Variants in ACBD3 observed in about 807,000 individuals in gnomAD.
ACBD3 encodes the protein Golgi resident protein GCP60.
Under a neutral mutation model 66.9 loss-of-function variants are expected in ACBD3, and 30 were observed. The observed-to-expected ratio is 0.45, with a 90% CI of 0.34 to 0.61. The LOEUF (loss-of-function observed/expected upper bound fraction) is 0.61, where lower values mean the gene tolerates loss of function less well. Ranked by LOEUF, ACBD3 falls within the 20% of genes least tolerant of loss-of-function variation. The pLI is 0.02. For missense variants in ACBD3, 544 were observed against 664.5 expected (o/e 0.82, Z 1.99); for synonymous variants, 278 against 259.8 (o/e 1.07, Z -0.68).
intron 4 of ACBD3, 143 bp downstream of exon 4, chr1:226,161,388 C>A: frequency 9.2e-7 from 1 of 1,088,384 alleles, no homozygotes; most frequent in East Asian, 2.6e-5. Flanking sequence ...GATCTCCCAA[C>A]CTCAGGTGAT....
intron 7 of ACBD3, among the ~76,000 whole-genome samples, chr1:226,147,106 T>G (rs1659470133): frequency 6.6e-6 from 1 of 152,102 alleles, no homozygotes; most frequent in Non-Finnish European, 1.5e-5. Context: ...TGGCCAGGAT[T>G]GTCTCAATCT....
chr1:226,168,720 T>C (rs1380738375), intron 1 of ACBD3, among the ~76,000 whole-genome samples: 3 of 152,226 alleles, frequency 2.0e-5, no homozygotes, highest in East Asian at 1.9e-4. Context: ...GCCAGCTGTA[T>C]AAAAGTATAT....
chr1:226,145,527 G>A lies in ACBD3; in HGVS notation c.*1083C>T, dbSNP rs1384599297. The A allele has an allele frequency of 2.0e-5, 3 of 152,432 alleles. No homozygotes were observed. Among genetic ancestry groups the A allele is most frequent in the Admixed American group, 6.6e-5 (1 of 15,240 alleles). The allele number at this position is 152,432 out of a possible 1,614,324, so 9.4% of individuals were successfully genotyped here. The stretch of plus-strand genomic sequence containing the variant: ...AGGAAAAAAAGATGTACCTCTTCCC[G>A]TCAATAAAGAAATAACACAAATTAA... On this transcript the variant is annotated 3_prime_UTR_variant, in exon 8 of 8. Transcript: ENST00000366812.
chr1:226,160,977 T>C lies in ACBD3; in HGVS notation c.728+554A>G, dbSNP rs17842080. On this transcript the variant is annotated intron_variant, in intron 4 of 7. Coordinates refer to ENST00000366812, the MANE Select transcript of ACBD3 (RefSeq NM_022735.4). ...AGACCAAATAAATCCTCGGACAGCC[T>C]TGCATATGCCAAAGCAGACAGTTGA... 4.3e-3 allele frequency among the ~76,000 whole-genome samples: 655 copies of C among 152,304 alleles called. 3 individuals carry two copies. Among genetic ancestry groups the C allele is most frequent in the African/African-American group, 0.015 (634 of 41,554 alleles).
intron 3 of ACBD3, among the ~76,000 whole-genome samples, chr1:226,163,338 A>C (rs1226436606): frequency 6.6e-6 from 1 of 152,218 alleles, no homozygotes; most frequent in Non-Finnish European, 1.5e-5. Flanking sequence ...TATATCATTA[A>C]AATAAGAACT....
At chr1:226,182,729 G>T (rs1656199082) in intron 1 of ACBD3, among the ~76,000 whole-genome samples, 1 of 152,270 alleles carries the variant, frequency 6.6e-6, no homozygotes, top group East Asian at 1.9e-4. Flanking sequence ...GACATGCTTT[G>T]ACTTCTCATG....
Position 226,159,188 on chromosome 1 carries a change from T to C in ACBD3, c.899A>G (p.Gln300Arg). 1 of 1,614,184 alleles carries C rather than the reference T, an allele frequency of 6.2e-7. No individual in the cohort carries two copies. ...TTCTAGGGTTGTCTATCGTACCTGT[T>C]GCTGTGCAAGCTGGACTTGATACAA... The part of the protein sequence containing the change: ...QQLYQVQLAQ[Q>R]QAALQKQQEV... The change falls in exon 5 of 8, where the codon CAA (glutamine) becomes CGA (arginine). Residue 300 changes from glutamine (Q) to arginine (R), a missense_variant. By Grantham distance (43) the Gln-to-Arg change is conservative (BLOSUM62 1). Coordinates refer to ENST00000366812, the MANE Select transcript of ACBD3 (RefSeq NM_022735.4).
In ACBD3 at chr1:226,164,429, G is replaced by A. The variant is rs116154302; in HGVS notation, c.569+360C>T. 3.9e-3 allele frequency among the ~76,000 whole-genome samples: 596 copies of A among 152,296 alleles called. 1 individual carries two copies. Among genetic ancestry groups the A allele is most frequent in the Non-Finnish European group, 6.2e-3 (421 of 68,030 alleles). ...CATGAAATGGAGCATGAGGATTCTAGAAGCTCGAGGGAGACTGCAACAAAG... is the reference window on the plus strand; with the variant it reads ...CATGAAATGGAGCATGAGGATTCTAAAAGCTCGAGGGAGACTGCAACAAAG... On this transcript the variant is annotated intron_variant, in intron 3 of 7. Transcript: ENST00000366812.
At chr1:226,178,837 T>G (rs1253239407) in intron 1 of ACBD3, among the ~76,000 whole-genome samples, 3 of 152,140 alleles carry the variant, frequency 2.0e-5, no homozygotes, top group African/African-American at 7.2e-5. Flanking sequence ...CTTGAATACT[T>G]CCTGGTGATA....
At chr1:226,172,234 C>G (rs1655839778) in intron 1 of ACBD3, among the ~76,000 whole-genome samples, 1 of 149,956 alleles carries the variant, frequency 6.7e-6, no homozygotes, top group Admixed American at 6.7e-5. Context: ...CTGTGAACTT[C>G]AGTGCTTAAG....
chr1:226,183,080 T>C (rs1376528509), intron 1 of ACBD3, among the ~76,000 whole-genome samples: 1 of 152,252 alleles, frequency 6.6e-6, no homozygotes, highest in African/African-American at 2.4e-5. Flanking sequence ...GGGCTTGTCA[T>C]TTCCAACCCA....
chr1:226,154,248 T>G (rs942982548), intron 6 of ACBD3, among the ~76,000 whole-genome samples: 12 of 152,064 alleles, frequency 7.9e-5, no homozygotes, highest in African/African-American at 2.9e-4. Context: ...GAGACAGTCT[T>G]GCTTTGTCAC....
chr1:226,183,397 T>C (rs1392077162), intron 1 of ACBD3, among the ~76,000 whole-genome samples: 5 of 152,080 alleles, frequency 3.3e-5, no homozygotes, highest in African/African-American at 1.2e-4. Flanking sequence ...TTAGCCAGGG[T>C]GGTCTCGATC....
At position 226,145,351 on chromosome 1, in the gene ACBD3, G is replaced by C. The variant is rs1054695765; in HGVS notation, c.*1259C>G. On this transcript the variant is annotated 3_prime_UTR_variant, in exon 8 of 8. Coordinates refer to ENST00000366812, the MANE Select transcript of ACBD3 (RefSeq NM_022735.4). The stretch of plus-strand genomic sequence containing the variant: ...AGGATTTGAAATTTTAAAAATCTAA[G>C]TACTTCAGTAACAACATACAATAAC... 6.6e-6 allele frequency: 1 copy of C among 152,418 alleles called. No homozygotes were observed. Among genetic ancestry groups the C allele is most frequent in the Non-Finnish European group, 1.5e-5 (1 of 68,008 alleles). 9.4% of individuals were successfully genotyped at this position (152,418 alleles called of 1,614,324 possible).
At chr1:226,153,092 G>T (rs911922264) in intron 6 of ACBD3, among the ~76,000 whole-genome samples, 1 of 152,158 alleles carries the variant, frequency 6.6e-6, no homozygotes, top group Non-Finnish European at 1.5e-5. Context: ...CTATTCTAAA[G>T]GAGCTCAAAG....
At chr1:226,151,683 T>C (rs1235818409) in intron 7 of ACBD3, among the ~76,000 whole-genome samples, 3 of 152,082 alleles carry the variant, frequency 2.0e-5, no homozygotes, top group Non-Finnish European at 2.9e-5. Context: ...AATGCCAGGG[T>C]TGACAGGAAT....
At position 226,146,017 on chromosome 1, in the gene ACBD3, A is replaced by T. The variant is rs1343624145; in HGVS notation, c.*593T>A. 1 of 152,728 alleles carries T rather than the reference A, an allele frequency of 6.5e-6. No individual in the cohort carries two copies. The highest frequency in any genetic ancestry group is 1.5e-5 in the Non-Finnish European group (1 of 68,090). The allele number at this position is 152,728 out of a possible 1,614,324, so 9.5% of individuals were successfully genotyped here. A position where few individuals can be genotyped will look rare whatever the true frequency, so the allele number is the denominator to read the frequency against. ...ACATTCTAGTTTAAGATTATCTCAG[A>T]AAATAATTCTCTGTAATATAACTCT... On this transcript the variant is annotated 3_prime_UTR_variant, in exon 8 of 8. Coordinates refer to ENST00000366812, the MANE Select transcript of ACBD3 (RefSeq NM_022735.4).
chr1:226,172,055 T>C (rs904796738), intron 1 of ACBD3, among the ~76,000 whole-genome samples: 1 of 145,894 alleles, frequency 6.9e-6, no homozygotes, highest in Non-Finnish European at 1.5e-5. Context: ...CTTGGGACGC[T>C]AAAGCAGGAG....
chr1:226,151,087 G>C (rs1487602937), intron 7 of ACBD3, among the ~76,000 whole-genome samples: 4 of 152,162 alleles, frequency 2.6e-5, no homozygotes. Context: ...GGTGTTGCAT[G>C]GTATGGTAAT....
Sources: allele counts gnomAD v4.1 joint callset (sites outside exome capture counted in the v4.1 genomes callset), GRCh38; gene constraint gnomAD v4.1.1; transcripts MANE v1.5; gene names NCBI Gene and HGNC (gene_info 2026-07-23, HGNC 2026-07-21).